The following MYO5A variants were observed in gnomAD, a reference collection of about 807,000 sequenced individuals.
MYO5A encodes the protein myosin VA, also known as unconventional myosin-Va.
In MYO5A, 98 loss-of-function variants were observed where a neutral mutation model predicts 249.7. That is an observed-to-expected ratio of 0.39 (90% CI 0.33 to 0.46). The LOEUF (loss-of-function observed/expected upper bound fraction) is 0.46. Among genes scored for constraint, MYO5A ranks in the 20% least tolerant of loss-of-function variants. The pLI, the probability that MYO5A is intolerant of heterozygous loss-of-function variation, is 0.98. For missense variants in MYO5A, 1,696 were observed against 2,308.8 expected, an observed-to-expected ratio of 0.73 and a Z score of 5.44; for synonymous variants, 778 against 810.6, an observed-to-expected ratio of 0.96 and a Z score of 0.68.
intron 29 of MYO5A, among the ~76,000 whole-genome samples, chr15:52,347,952 G>A (rs1039444394): frequency 6.6e-6 from 1 of 152,162 alleles, no homozygotes; most frequent in African/African-American, 2.4e-5. Context: ...AAAGACCCAA[G>A]TGTTTACATC....
chr15:52,338,161 C>T (rs1256739377), intron 32 of MYO5A, among the ~76,000 whole-genome samples: 1 of 151,976 alleles, frequency 6.6e-6, no homozygotes, highest in Non-Finnish European at 1.5e-5. Flanking sequence ...TCATTTCCCT[C>T]CTCCAACCTC....
intron 1 of MYO5A, among the ~76,000 whole-genome samples, chr15:52,476,305 C>T (rs1011214787): frequency 3.3e-5 from 5 of 151,996 alleles, no homozygotes; most frequent in Non-Finnish European, 7.4e-5. Context: ...TGAGATGGGT[C>T]TCCTGAATAC....
chr15:52,386,392 C>T (rs113317243), intron 14 of MYO5A, among the ~76,000 whole-genome samples: 449 of 152,156 alleles, frequency 3.0e-3, no homozygotes, highest in Middle Eastern at 0.01. Context: ...ATTACTTTGA[C>T]AAAGTAATAA....
intron 38 of MYO5A, among the ~76,000 whole-genome samples, chr15:52,320,554 C>T (rs541450333): frequency 4.6e-5 from 7 of 152,180 alleles, no homozygotes; most frequent in Non-Finnish European, 7.3e-5. Context: ...AAAACATTGC[C>T]ATCTCCCATG....
chr15:52,376,424 C>T lies in MYO5A; in HGVS notation c.2343G>A (p.Leu781=). The T allele has an allele frequency of 6.2e-7, 1 of 1,614,176 alleles. No homozygotes were observed. The highest frequency in any genetic ancestry group is 2.2e-5 in the East Asian group (1 of 44,862). Residue 781 remains leucine, a synonymous_variant, in exon 19 of 42, where the codon CTG becomes CTA. Transcript: ENST00000399233. ...GCATGCGTAGGTACTTCTTTCTCAG[C>T]AGCCACCCTCGGATGGTCTTCTGGA... The part of the protein sequence containing the change: ...IRIQKTIRGW[L]LRKKYLRMRK...
In MYO5A at chr15:52,416,315, AT is replaced by A. The variant is rs1567106022; in HGVS notation, c.456-15del. Reference sequence around the variant, plus strand: ...TTTCGTTCATCTCTGTAAAATAAAAATTTTTTAAAAAGTAACTGCCATTGCT... The same window carrying A: ...TTTCGTTCATCTCTGTAAAATAAAAATTTTTAAAAAGTAACTGCCATTGCT... On this transcript the variant is annotated splice_polypyrimidine_tract_variant and intron_variant, in intron 4 of 41. Coordinates refer to ENST00000399233, the MANE Select transcript of MYO5A (RefSeq NM_001382347.1). The A allele has an allele frequency of 5.6e-6, 9 of 1,613,304 alleles. No individual in the cohort carries two copies. The South Asian group carries it at 9.9e-5, about 18-fold the overall frequency.
At chr15:52,506,950 T>A (rs559735724) in intron 1 of MYO5A, among the ~76,000 whole-genome samples, 2 of 152,382 alleles carry the variant, frequency 1.3e-5, no homozygotes, top group South Asian at 4.1e-4. Flanking sequence ...AGACTCCATA[T>A]ATCACATTAC....
intron 36 of MYO5A, 71 bp downstream of exon 36, chr15:52,327,781 G>A: frequency 7.0e-7 from 1 of 1,432,096 alleles, no homozygotes; most frequent in Non-Finnish European, 9.8e-7. Context: ...TCTAAGGAAG[G>A]AAGATCAATC....
At chr15:52,501,004 C>G (rs926891519) in intron 1 of MYO5A, among the ~76,000 whole-genome samples, 2 of 151,814 alleles carry the variant, frequency 1.3e-5, no homozygotes, top group Non-Finnish European at 1.5e-5. Flanking sequence ...GAGTCTTGCT[C>G]TGTCGCCCAG....
intron 2 of MYO5A, 55 bp downstream of exon 2, chr15:52,433,120 C>T (rs2075578109): frequency 7.7e-7 from 1 of 1,296,788 alleles, no homozygotes; most frequent in Non-Finnish European, 1.1e-6. Context: ...TAAATTTACA[C>T]TTTTGAACTC....
intron 1 of MYO5A, among the ~76,000 whole-genome samples, chr15:52,448,833 T>C (rs2075950730): frequency 1.3e-5 from 2 of 152,094 alleles, no homozygotes; most frequent in African/African-American, 4.8e-5. Context: ...GATTGTAAAT[T>C]TCCTGAGGCC....
At chr15:52,330,308 C>T (rs16964895) in intron 35 of MYO5A, 45 bp downstream of exon 35, 6 of 1,613,364 alleles carry the variant, frequency 3.7e-6, no homozygotes, top group East Asian at 2.2e-5. Context: ...CCACCATTAA[C>T]CCATGTGCCA....
At chr15:52,381,147 C>A (rs1596377171) in intron 16 of MYO5A, among the ~76,000 whole-genome samples, 1 of 151,004 alleles carries the variant, frequency 6.6e-6, no homozygotes. Context: ...AAGTTCTGAG[C>A]GATCCATCCG....
Position 52,462,259 on chromosome 15 carries a change from C to G in MYO5A, c.28-28974G>C, listed in dbSNP as rs1027176522. Among the ~76,000 whole-genome samples, 5 of 145,990 alleles carry G rather than the reference C, an allele frequency of 3.4e-5. No individual in the cohort carries two copies. The South Asian group carries it at 1.1e-3, about 32-fold the overall frequency. ...CCAGCCTGGGCGACAGAGCGAGACT[C>G]TGTCTCAAAAAAAAAAAAAAGGTTT... On this transcript the variant is annotated intron_variant, in intron 1 of 41. Transcript: ENST00000399233.
chr15:52,462,879 TCAGTA>T (rs1285700093), intron 1 of MYO5A, among the ~76,000 whole-genome samples: 2 of 152,058 alleles, frequency 1.3e-5, no homozygotes, highest in Admixed American at 6.6e-5. Flanking sequence ...AAATTCTCAT[TCAGTA>T]ATTTCCAAAC....
At chr15:52,506,122 C>A (rs904897702) in intron 1 of MYO5A, among the ~76,000 whole-genome samples, 14 of 152,208 alleles carry the variant, frequency 9.2e-5, no homozygotes, top group African/African-American at 3.4e-4. Flanking sequence ...GAGGCCGAGG[C>A]AGGCAGATCA....
intron 1 of MYO5A, among the ~76,000 whole-genome samples, chr15:52,496,767 T>G (rs965358365): frequency 3.5e-4 from 54 of 152,286 alleles, no homozygotes; most frequent in African/African-American, 1.3e-3. Flanking sequence ...AAAGTTTAAG[T>G]TCTATTCAAT....
At chr15:52,497,420 A>G (rs199741843) in intron 1 of MYO5A, among the ~76,000 whole-genome samples, 23 of 55,452 alleles carry the variant, frequency 4.1e-4, no homozygotes, top group East Asian at 7.8e-4. Context: ...TAAATAAATA[A>G]ATAGATAAAT....
intron 9 of MYO5A, among the ~76,000 whole-genome samples, chr15:52,398,988 C>CA (rs59276820): frequency 2.7e-4 from 35 of 131,558 alleles, no homozygotes; most frequent in Admixed American, 3.2e-4. Context: ...GACTCCGTCT[C>CA]AAAAAAAAAA....
Sources: allele counts gnomAD v4.1 joint callset (sites outside exome capture counted in the v4.1 genomes callset), GRCh38; gene constraint gnomAD v4.1.1; transcripts MANE v1.5; gene names NCBI Gene and HGNC (gene_info 2026-07-23, HGNC 2026-07-21).